Variants in UMODL1 observed in about 807,000 individuals in gnomAD.
UMODL1 encodes the protein uromodulin-like 1.
UMODL1 carries 128 observed loss-of-function variants against 136.3 expected under a neutral mutation model. The observed-to-expected ratio is 0.94, with a 90% CI of 0.81 to 1.09. The LOEUF is 1.09. Among genes scored for constraint, UMODL1 ranks in the 50% least tolerant of loss-of-function variants. The probability of loss-of-function intolerance (pLI) is 0.00; values close to 1 mark genes in which losing one functional copy is unlikely to be tolerated. For synonymous variants in UMODL1, 721 were observed against 720.0 expected (o/e 1.00, Z -0.02); for missense variants, 1,766 against 1,725.6 (o/e 1.02, Z -0.41).
chr21:42,068,112 C>T (rs547160451), upstream of UMODL1, among the ~76,000 whole-genome samples: 64 of 152,236 alleles, frequency 4.2e-4, no homozygotes, highest in South Asian at 0.011. The surrounding 1 kb of genome is among the most constrained non-coding windows in gnomAD (Gnocchi z 5.5). Flanking sequence ...CCAGGCTTCT[C>T]GGATGTGGTC....
At chr21:42,065,554 T>C (rs2066176326) in intron 1 of UMODL1, among the ~76,000 whole-genome samples, 1 of 151,718 alleles carries the variant, frequency 6.6e-6, no homozygotes, top group South Asian at 2.1e-4. Flanking sequence ...TTTTTTTTTT[T>C]TGAGGCGGAG....
intron 2 of UMODL1, among the ~76,000 whole-genome samples, chr21:42,079,630 G>C (rs1451946035): frequency 6.6e-6 from 1 of 152,246 alleles, no homozygotes; most frequent in African/African-American, 2.4e-5. Context: ...AGGGAAACAG[G>C]CACTGCCTGA....
chr21:42,133,448 A>C (rs957114377), intron 21 of UMODL1, among the ~76,000 whole-genome samples: 1 of 152,126 alleles, frequency 6.6e-6, no homozygotes, highest in Non-Finnish European at 1.5e-5. Context: ...TCTCCTGGGG[A>C]CTGAGCTGGC....
intron 22 of UMODL1, among the ~76,000 whole-genome samples, chr21:42,141,272 G>C (rs1159024134): frequency 2.0e-5 from 3 of 152,180 alleles, no homozygotes; most frequent in Non-Finnish European, 2.9e-5. Flanking sequence ...ACCCGCCTGT[G>C]GATGTGATTC....
intron 6 of UMODL1, 52 bp downstream of exon 6, chr21:42,090,490 C>A: frequency 6.3e-7 from 1 of 1,599,914 alleles, no homozygotes; most frequent in Non-Finnish European, 8.5e-7. Context: ...TTCCTGTTTG[C>A]CCCGGGAATA....
intron 6 of UMODL1, among the ~76,000 whole-genome samples, chr21:42,095,466 G>A (rs890128292): frequency 7.4e-6 from 1 of 134,710 alleles, no homozygotes; most frequent in Non-Finnish European, 1.6e-5. Context: ...TCCTTTGTGT[G>A]TGTGTGTGTG....
In UMODL1 at chr21:42,122,755, G is replaced by T. The variant is rs2066992738; in HGVS notation, c.2828-76G>T. The T allele has an allele frequency of 1.4e-6, 2 of 1,457,252 alleles. No individual in the cohort carries two copies. The highest frequency in any genetic ancestry group is 1.4e-5 in the South Asian group (1 of 71,910). The allele number at this position is 1,457,252 out of a possible 1,614,324, so 90.3% of individuals were successfully genotyped here. On this transcript the variant is annotated intron_variant, in intron 16 of 22. Coordinates refer to ENST00000408910, the MANE Select transcript of UMODL1 (RefSeq NM_001004416.3). The surrounding 1 kb of genome is among the most constrained non-coding windows in gnomAD (Gnocchi z 4.3). ...GCAGAGTGCAGGGCAGCTCCAGTCTGCTCCTTACCCCTGCCCCTCCATGCC... is the reference window on the plus strand; with the variant it reads ...GCAGAGTGCAGGGCAGCTCCAGTCTTCTCCTTACCCCTGCCCCTCCATGCC...
chr21:42,136,230 C>A (rs913590889), intron 21 of UMODL1, among the ~76,000 whole-genome samples: 3 of 152,176 alleles, frequency 2.0e-5, no homozygotes, highest in African/African-American at 2.4e-5. Flanking sequence ...ATTCACGTAA[C>A]CTCAAGCTAA....
intron 7 of UMODL1, among the ~76,000 whole-genome samples, chr21:42,101,004 G>A: frequency 6.8e-6 from 1 of 147,418 alleles, no homozygotes; most frequent in Non-Finnish European, 1.5e-5. Context: ...GTCAGGCACA[G>A]ATAATTTGGA....
chr21:42,108,571 A>C, intron 9 of UMODL1: 1 of 341,028 alleles, frequency 2.9e-6, no homozygotes, highest in East Asian at 7.6e-5. Context: ...TTCCACCTGA[A>C]TTGGAACTTC....
intron 2 of UMODL1, among the ~76,000 whole-genome samples, chr21:42,082,610 C>G (rs1415085493): frequency 6.6e-6 from 1 of 152,152 alleles, no homozygotes; most frequent in East Asian, 1.9e-4. Context: ...TGGGGTCCCT[C>G]CTCCCTCTGT....
At chr21:42,119,704 A>G (rs376200145) in intron 15 of UMODL1, among the ~76,000 whole-genome samples, 3 of 152,226 alleles carry the variant, frequency 2.0e-5, no homozygotes, top group East Asian at 3.8e-4. Context: ...CGAGAAAAGC[A>G]GGGAGAAAAA....
At chr21:42,069,430 G>A (rs138534051), upstream of UMODL1, among the ~76,000 whole-genome samples, 32 of 152,248 alleles carry the variant, frequency 2.1e-4, no homozygotes, top group East Asian at 6.2e-3. Flanking sequence ...AAATTATTAT[G>A]AAGTCCTCAA....
In UMODL1 at chr21:42,099,035, C is replaced by G. The variant is rs765337918; in HGVS notation, c.1041C>G (p.Tyr347Ter). ...ACCACACTTTCCATGTCCGGGTTTA[C>G]CGGGGTATGGAGTTGCTCAGGAGCG... is the stretch of plus-strand genomic sequence containing the variant. ...TQNHTFHVRV[Y>*]RGMELLRSAR... The change falls in exon 7 of 23, where the codon TAC (tyrosine) becomes TAG (stop). Residue 347 changes from tyrosine to a stop codon, truncating the protein, a stop_gained. Transcript: ENST00000408910. LOFTEE classifies it high-confidence loss of function. The surrounding 1 kb of genome is among the most constrained non-coding windows in gnomAD (Gnocchi z 4.1). The G allele has an allele frequency of 6.2e-7, 1 of 1,614,104 alleles. No homozygotes were observed.
intron 8 of UMODL1, chr21:42,102,929 T>G (rs1291646663): frequency 2.0e-5 from 3 of 153,116 alleles, no homozygotes; most frequent in African/African-American, 7.2e-5. Flanking sequence ...CCGGTTCCCC[T>G]TCCTGCACCC....
chr21:42,106,553 G>A (rs540279424), intron 9 of UMODL1, among the ~76,000 whole-genome samples: 8 of 152,110 alleles, frequency 5.3e-5, no homozygotes, highest in Non-Finnish European at 1.2e-4. Context: ...CCCTTAGGCC[G>A]TCCATCCCGG....
rs764336444 is a variant in UMODL1 at position 42,085,510 on chromosome 21, G to T, written c.603+98G>T. Reference sequence around the variant, plus strand: ...GTGGAAGGGACCTGGGGGTTGGGGAGGGTGATGTTCCCCAAATGGCCCCAA... The same window carrying T: ...GTGGAAGGGACCTGGGGGTTGGGGATGGTGATGTTCCCCAAATGGCCCCAA... On this transcript the variant is annotated intron_variant, in intron 4 of 22. Coordinates refer to ENST00000408910, the MANE Select transcript of UMODL1 (RefSeq NM_001004416.3). This position sits in a 1 kb window ranked among gnomAD's most constrained non-coding sequence, Gnocchi z 4.5. 1.3e-6 allele frequency: 2 copies of T among 1,571,152 alleles called. No individual in the cohort carries two copies. Among genetic ancestry groups the T allele is most frequent in the Non-Finnish European group, 1.7e-6 (2 of 1,155,060 alleles).
At chr21:42,075,412 C>T (rs535554231) in intron 1 of UMODL1, among the ~76,000 whole-genome samples, 59 of 152,266 alleles carry the variant, frequency 3.9e-4, no homozygotes, top group South Asian at 1.7e-3. Flanking sequence ...ACAGAGCGAC[C>T]GCACTCCACA....
upstream of UMODL1, among the ~76,000 whole-genome samples, chr21:42,069,997 G>A (rs911038775): frequency 4.6e-5 from 7 of 152,126 alleles, no homozygotes; most frequent in South Asian, 1.0e-3. Flanking sequence ...CCCGTTGTAC[G>A]CAGCCCCTTT....
Sources: gnomAD v4.1 joint callset for allele counts (sites outside exome capture counted in the v4.1 genomes callset) on GRCh38, gnomAD v4.1.1 for gene constraint, Gnocchi (gnomAD v3.1) non-coding constraint, MANE v1.5 for transcripts, NCBI Gene and HGNC (gene_info 2026-07-23, HGNC 2026-07-21) for gene names.